NDFIP2: variants seen among roughly 807,000 people sequenced by gnomAD.
NDFIP2 encodes the protein Nedd4 family interacting protein 2.
Under a neutral mutation model 36.0 loss-of-function variants are expected in NDFIP2, and 19 were observed. That is an observed-to-expected ratio of 0.53 (90% CI 0.37 to 0.77). The LOEUF (loss-of-function observed/expected upper bound fraction) is 0.77. NDFIP2 is among the 30% of genes least tolerant of loss of function. NDFIP2 has a pLI of 0.00. For missense variants in NDFIP2, 446 were observed against 435.8 expected (o/e 1.02, Z -0.21); for synonymous variants, 181 against 167.7 (o/e 1.08, Z -0.61).
chr13:79,502,166 A>T (rs1308744578), intron 1 of NDFIP2, among the ~76,000 whole-genome samples: 1 of 152,188 alleles, frequency 6.6e-6, no homozygotes, highest in African/African-American at 2.4e-5. Flanking sequence ...AATAACACCA[A>T]GGTTATCCAG....
intron 1 of NDFIP2, 144 bp downstream of exon 1, chr13:79,481,668 A>G: frequency 9.5e-7 from 1 of 1,052,286 alleles, no homozygotes; most frequent in South Asian, 1.6e-5. Flanking sequence ...TTCTGGCTGG[A>G]GCTGCTTCAC....
At chr13:79,487,359 CT>C (rs1303195611) in intron 1 of NDFIP2, among the ~76,000 whole-genome samples, 2 of 152,136 alleles carry the variant, frequency 1.3e-5, no homozygotes, top group African/African-American at 4.8e-5. Context: ...TAGCTCATCC[CT>C]TTTTATCATA....
intron 6 of NDFIP2, among the ~76,000 whole-genome samples, chr13:79,550,633 C>T (rs1875870948): frequency 6.6e-6 from 1 of 151,340 alleles, no homozygotes; most frequent in East Asian, 1.9e-4. Context: ...ATAAATATGT[C>T]TTAGTTCACC....
intron 5 of NDFIP2, among the ~76,000 whole-genome samples, chr13:79,546,846 T>C (rs1875699610): frequency 6.6e-6 from 1 of 152,156 alleles, no homozygotes; most frequent in Admixed American, 6.5e-5. Context: ...TTACAGCCTT[T>C]AAGACCTATA....
chr13:79,492,420 T>C (rs1873268528), intron 1 of NDFIP2, among the ~76,000 whole-genome samples: 1 of 152,118 alleles, frequency 6.6e-6, no homozygotes, highest in South Asian at 2.1e-4. Flanking sequence ...TTTGTTTTTT[T>C]TGAGGCAGAG....
chr13:79,539,220 G>A (rs941633993), intron 3 of NDFIP2, among the ~76,000 whole-genome samples: 2 of 152,152 alleles, frequency 1.3e-5, no homozygotes, highest in Admixed American at 6.5e-5. Context: ...ATATGTGTGT[G>A]TGTGTATACA....
chr13:79,524,647 T>C (rs1312316711), intron 2 of NDFIP2, among the ~76,000 whole-genome samples: 1 of 152,228 alleles, frequency 6.6e-6, no homozygotes, highest in Non-Finnish European at 1.5e-5. Context: ...ACTTTAAATT[T>C]CAACTGTTTT....
chr13:79,483,568 G>A (rs1212010768), intron 1 of NDFIP2, among the ~76,000 whole-genome samples: 3 of 152,084 alleles, frequency 2.0e-5, no homozygotes, highest in African/African-American at 7.2e-5. Context: ...GAATGTTAAG[G>A]GATGACTAAG....
chr13:79,490,874 A>G (rs1873199147), intron 1 of NDFIP2, among the ~76,000 whole-genome samples: 2 of 152,212 alleles, frequency 1.3e-5, no homozygotes, highest in Admixed American at 1.3e-4. Context: ...TGGGATGGAT[A>G]TGAGTGGATA....
chr13:79,520,818 TGAAGAGGATAACTCA>T lies in NDFIP2; in HGVS notation c.334_348del (p.Glu112_Glu116del), dbSNP rs776922395. On this transcript the variant is annotated inframe_deletion, in exon 2 of 8. Coordinates refer to ENST00000218652, the MANE Select transcript of NDFIP2 (RefSeq NM_019080.3). ...TTCTTTTGTTCTCTTAGCTTCTTAATGAAGAGGATAACTCAGAATCATCGGCTATAGAGCAGCCAC... is the reference window on the plus strand; with the variant it reads ...TTCTTTTGTTCTCTTAGCTTCTTAATGAATCATCGGCTATAGAGCAGCCAC... 5.6e-6 allele frequency: 9 copies of T among 1,602,960 alleles called. No homozygotes were observed.
chr13:79,539,825 A>G (rs1422155518), intron 4 of NDFIP2, 50 bp downstream of exon 4: 4 of 1,456,746 alleles, frequency 2.7e-6, no homozygotes, highest in African/African-American at 1.4e-5. Context: ...AATTGGCTGT[A>G]TGTGTATTAA....
intron 1 of NDFIP2, among the ~76,000 whole-genome samples, chr13:79,494,911 A>G (rs982925825): frequency 6.6e-6 from 1 of 151,140 alleles, no homozygotes; most frequent in Non-Finnish European, 1.5e-5. Context: ...TCTAGTTGTG[A>G]TTTTCTGTCA....
At chr13:79,521,828 T>C (rs536834728) in intron 2 of NDFIP2, among the ~76,000 whole-genome samples, 21 of 150,044 alleles carry the variant, frequency 1.4e-4, no homozygotes, top group African/African-American at 5.1e-4. Flanking sequence ...TTTTGCTTTT[T>C]TTTTTTTTTT....
intron 1 of NDFIP2, among the ~76,000 whole-genome samples, chr13:79,508,197 G>T (rs1873943468): frequency 6.6e-6 from 1 of 152,158 alleles, no homozygotes; most frequent in African/African-American, 2.4e-5. Context: ...AAATATTGCT[G>T]CCTTGAACAT....
At chr13:79,551,675 G>A (rs553890389) in intron 7 of NDFIP2, among the ~76,000 whole-genome samples, 1 of 151,524 alleles carries the variant, frequency 6.6e-6, no homozygotes, top group African/African-American at 2.4e-5. Flanking sequence ...CAACTATGAA[G>A]GCTACAACTT....
chr13:79,544,138 A>G (rs1641994353), intron 5 of NDFIP2, among the ~76,000 whole-genome samples: 1 of 152,196 alleles, frequency 6.6e-6, no homozygotes, highest in South Asian at 2.1e-4. Context: ...AAGTTAAAAC[A>G]TAAAAATTTC....
intron 1 of NDFIP2, among the ~76,000 whole-genome samples, chr13:79,492,487 T>C (rs73551544): frequency 0.043 from 6,490 of 152,106 alleles, 482 homozygotes; most frequent in African/African-American, 0.15. Flanking sequence ...ACTGCAGCCC[T>C]AACCTTCTGA....
At chr13:79,521,099 T>C (rs1334718882) in intron 2 of NDFIP2, 124 bp downstream of exon 2, 2 of 766,846 alleles carry the variant, frequency 2.6e-6, no homozygotes, top group Non-Finnish European at 4.1e-6. Context: ...TATATATGTA[T>C]ATACATACTG....
chr13:79,487,540 A>G (rs571849304), intron 1 of NDFIP2, among the ~76,000 whole-genome samples: 5 of 152,224 alleles, frequency 3.3e-5, no homozygotes, highest in Admixed American at 2.6e-4. Context: ...TTTTGTGGAC[A>G]TATGTTTTTA....
Sources: gnomAD v4.1 joint callset for allele counts (sites outside exome capture counted in the v4.1 genomes callset) on GRCh38, gnomAD v4.1.1 for gene constraint, MANE v1.5 for transcripts, NCBI Gene and HGNC (gene_info 2026-07-23, HGNC 2026-07-21) for gene names.